The following OCA2 variants were observed in gnomAD, a reference collection of about 807,000 sequenced individuals.
OCA2 encodes the protein P protein.
In OCA2, 77 loss-of-function variants were observed where a neutral mutation model predicts 100.2. The observed-to-expected ratio is 0.77, with a 90% CI of 0.64 to 0.93. The LOEUF is 0.93. Ranked by LOEUF, OCA2 falls within the 40% of genes least tolerant of loss-of-function variation. OCA2 has a pLI of 0.00. For synonymous variants in OCA2, 432 were observed against 439.2 expected (o/e 0.98, Z 0.21); for missense variants, 1,062 against 1,089.1 (o/e 0.98, Z 0.35).
At chr15:27,984,566 T>C (rs1257165274) in intron 13 of OCA2, among the ~76,000 whole-genome samples, 1 of 151,968 alleles carries the variant, frequency 6.6e-6, no homozygotes, top group African/African-American at 2.4e-5. Flanking sequence ...GTTTGTTTGT[T>C]TGTTTGTTTT....
Position 28,014,765 on chromosome 15 carries a change from G to A in OCA2, c.1044+11C>T, listed in dbSNP as rs764561264. 2 of 1,611,216 alleles carry A rather than the reference G, an allele frequency of 1.2e-6. No individual in the cohort carries two copies. Among genetic ancestry groups the A allele is most frequent in the African/African-American group, 1.3e-5 (1 of 74,890 alleles). ...GCCCAGACAGATCGGGGGAGCAGGTGTGAAAGTTACCTCAAATATGATCAG... is the reference window on the plus strand; with the variant it reads ...GCCCAGACAGATCGGGGGAGCAGGTATGAAAGTTACCTCAAATATGATCAG... On this transcript the variant is annotated intron_variant, in intron 9 of 23. Coordinates refer to ENST00000354638, the MANE Select transcript of OCA2 (RefSeq NM_000275.3).
the OCA2 span, among the ~76,000 whole-genome samples, chr15:27,747,627 A>C: frequency 6.6e-6 from 1 of 152,170 alleles, no homozygotes; most frequent in Admixed American, 6.5e-5. Context: ...TATAAGAATT[A>C]AACAGGGAGG....
At chr15:27,979,743 A>G (rs182678203) in intron 14 of OCA2, among the ~76,000 whole-genome samples, 1 of 150,730 alleles carries the variant, frequency 6.6e-6, no homozygotes, top group African/African-American at 2.4e-5. Flanking sequence ...TCTTTCACCC[A>G]GGCTGGAGTG....
At chr15:28,041,309 C>G (rs982008207) in intron 2 of OCA2, among the ~76,000 whole-genome samples, 1 of 125,638 alleles carries the variant, frequency 8.0e-6, no homozygotes, top group Non-Finnish European at 1.5e-5. Context: ...AAGTTCAACA[C>G]CCTTTCATGA....
the OCA2 span, among the ~76,000 whole-genome samples, chr15:27,741,851 C>T: frequency 6.6e-6 from 1 of 152,166 alleles, no homozygotes. Context: ...ATGTGTCATA[C>T]AAATTGTTTT....
chr15:27,856,281 G>A (rs985655895), intron 21 of OCA2, among the ~76,000 whole-genome samples: 6 of 152,148 alleles, frequency 3.9e-5, no homozygotes, highest in East Asian at 3.8e-4. Context: ...CAAAGTACCC[G>A]GGGTTAGGAC....
intron 23 of OCA2, among the ~76,000 whole-genome samples, chr15:27,801,032 G>T (rs1158894870): frequency 1.3e-5 from 2 of 152,052 alleles, no homozygotes; most frequent in Non-Finnish European, 2.9e-5. Context: ...AGACCTCAGG[G>T]TTTGACTGGT....
At chr15:27,757,978 T>C (rs563218678) in intron 23 of OCA2, among the ~76,000 whole-genome samples, 2 of 152,202 alleles carry the variant, frequency 1.3e-5, no homozygotes, top group Non-Finnish European at 2.9e-5. Context: ...AAATTAAAGA[T>C]GATAAAGCAG....
chr15:27,955,667 G>GT (rs1231746871), intron 16 of OCA2, among the ~76,000 whole-genome samples: 2 of 152,024 alleles, frequency 1.3e-5, no homozygotes, highest in Non-Finnish European at 2.9e-5. Flanking sequence ...TTGCTTTAAT[G>GT]TTGTTTTTTA....
chr15:27,826,519 C>G (rs916609924), intron 23 of OCA2, among the ~76,000 whole-genome samples: 2 of 152,206 alleles, frequency 1.3e-5, no homozygotes, highest in Non-Finnish European at 2.9e-5. Context: ...ACTGCCTCCC[C>G]CTCCTTTCCC....
chr15:27,892,065 A>G (rs553863899), intron 19 of OCA2, among the ~76,000 whole-genome samples: 3 of 152,326 alleles, frequency 2.0e-5, no homozygotes, highest in African/African-American at 7.2e-5. Flanking sequence ...AGCAAAATAC[A>G]TGAAGTGAAA....
chr15:27,945,195 C>T (rs1213414983), intron 18 of OCA2, among the ~76,000 whole-genome samples: 1 of 152,160 alleles, frequency 6.6e-6, no homozygotes, highest in Non-Finnish European at 1.5e-5. Context: ...ATAGTGACCT[C>T]CTCTAAGAAG....
At chr15:27,822,947 A>C (rs1190511285) in intron 23 of OCA2, among the ~76,000 whole-genome samples, 1 of 152,204 alleles carries the variant, frequency 6.6e-6, no homozygotes, top group Non-Finnish European at 1.5e-5. Flanking sequence ...CTGTTTATCA[A>C]ATGTTGTCCT....
In OCA2 at chr15:27,957,837, A is replaced by G. The variant is rs2040280657; in HGVS notation, c.1637-102T>C. Reference sequence around the variant, plus strand: ...AGTCGATGCCTGACAGAGCAGACACACACTCGAGACGTGCAGGTAGCCCAG... The same window carrying G: ...AGTCGATGCCTGACAGAGCAGACACGCACTCGAGACGTGCAGGTAGCCCAG... On this transcript the variant is annotated intron_variant, in intron 15 of 23. Transcript: ENST00000354638. The surrounding 1 kb of genome is among the most constrained non-coding windows in gnomAD (Gnocchi z 4.3). 7.1e-7 allele frequency: 1 copy of G among 1,405,014 alleles called. No individual in the cohort carries two copies. The highest frequency in any genetic ancestry group is 1.4e-5 in the African/African-American group (1 of 70,950). 87.0% of individuals were successfully genotyped at this position (1,405,014 alleles called of 1,614,324 possible).
intron 2 of OCA2, among the ~76,000 whole-genome samples, chr15:28,036,383 T>C (rs112532224): frequency 0.012 from 1,863 of 152,308 alleles, 38 homozygotes; most frequent in African/African-American, 0.042. Flanking sequence ...CATTACTCCC[T>C]GTTTCAGTTA....
intron 23 of OCA2, among the ~76,000 whole-genome samples, chr15:27,834,667 T>C (rs1325106521): frequency 6.6e-6 from 1 of 152,182 alleles, no homozygotes; most frequent in Non-Finnish European, 1.5e-5. Context: ...AATTGAATTG[T>C]GGGATACCTA....
chr15:27,940,800 A>G (rs1473638183), intron 18 of OCA2, among the ~76,000 whole-genome samples: 1 of 152,228 alleles, frequency 6.6e-6, no homozygotes, highest in Non-Finnish European at 1.5e-5. Context: ...ATTTCCACAA[A>G]TGCACATCAT....
chr15:27,722,848 T>G, the OCA2 span, among the ~76,000 whole-genome samples: 5 of 147,002 alleles, frequency 3.4e-5, no homozygotes, highest in Non-Finnish European at 7.5e-5. Context: ...CTTTCTCTCT[T>G]TCTTTCTTTC....
At chr15:28,072,139 G>T (rs190292872) in intron 2 of OCA2, among the ~76,000 whole-genome samples, 4 of 152,138 alleles carry the variant, frequency 2.6e-5, no homozygotes, top group Non-Finnish European at 5.9e-5. Flanking sequence ...AGGCCGAAGC[G>T]GGTGGATCAC....
Sources: allele counts gnomAD v4.1 joint callset (sites outside exome capture counted in the v4.1 genomes callset), GRCh38; gene constraint gnomAD v4.1.1; non-coding constraint Gnocchi (gnomAD v3.1); transcripts MANE v1.5; gene names NCBI Gene and HGNC (gene_info 2026-07-23, HGNC 2026-07-21).